The following ABTB2 variants were observed in gnomAD, a reference collection of about 807,000 sequenced individuals.
ABTB2 encodes the protein ankyrin repeat and BTB domain containing 2.
In ABTB2, 56 loss-of-function variants were observed where a neutral mutation model predicts 104.1. That is an observed-to-expected ratio of 0.54 (90% CI 0.43 to 0.67). The LOEUF (loss-of-function observed/expected upper bound fraction) is 0.67. Among genes scored for constraint, ABTB2 ranks in the 30% least tolerant of loss-of-function variants. ABTB2 has a pLI of 0.00. For missense variants in ABTB2, 1,279 were observed against 1,407.7 expected (o/e 0.91, Z 1.46); for synonymous variants, 606 against 608.2 (o/e 1.00, Z 0.05).
chr11:34,198,361 G>A (rs1188618993), intron 2 of ABTB2, among the ~76,000 whole-genome samples: 4 of 152,092 alleles, frequency 2.6e-5, no homozygotes, highest in African/African-American at 9.7e-5. Context: ...GGAGGCGGAG[G>A]TGGCAGTGAG....
intron 1 of ABTB2, among the ~76,000 whole-genome samples, chr11:34,261,877 A>AT (rs942991618): frequency 6.6e-6 from 1 of 152,196 alleles, no homozygotes; most frequent in Admixed American, 6.5e-5. Flanking sequence ...CACCCCCCAA[A>AT]TTAAATCAGA....
intron 8 of ABTB2, 57 bp from the exon 9 acceptor site, chr11:34,164,878 T>A: frequency 6.4e-7 from 1 of 1,557,628 alleles, no homozygotes; most frequent in African/African-American, 1.4e-5. Flanking sequence ...CCAGGGCAGC[T>A]GAGGCGAAAG....
At chr11:34,347,884 C>G (rs143251027) in intron 1 of ABTB2, among the ~76,000 whole-genome samples, 34 of 151,400 alleles carry the variant, frequency 2.2e-4, no homozygotes, top group African/African-American at 8.3e-4. Context: ...GACTTAACAC[C>G]GAAAAAAAAA....
chr11:34,203,492 C>T (rs1036545845), intron 2 of ABTB2, among the ~76,000 whole-genome samples: 5 of 152,160 alleles, frequency 3.3e-5, no homozygotes, highest in Admixed American at 6.5e-5. Flanking sequence ...TTCTCAGGGA[C>T]GGAGATGAAA....
Position 34,162,635 on chromosome 11 carries a change from G to A in ABTB2, c.2159C>T (p.Ala720Val), listed in dbSNP as rs775355518. The A allele has an allele frequency of 1.9e-6, 3 of 1,613,454 alleles. No individual in the cohort carries two copies. The highest frequency in any genetic ancestry group is 1.1e-5 in the South Asian group (1 of 91,076). The change falls in exon 10 of 17, where the codon GCC becomes GTC. Residue 720 changes from alanine to valine, a missense_variant. By Grantham distance (64) the Ala-to-Val change is moderately conservative. Transcript: ENST00000435224. ...SRTRTKALQEAMYYSAEHGYV... is the reference protein window; with the variant it reads ...SRTRTKALQEVMYYSAEHGYV... ...GCCGTGCTCAGCGCTGTAGTACATG[G>A]CCTCCTGTAGGGCCTTGGTGCGGGT...
At chr11:34,159,629 GCTGACTCTT>G (rs1852679285) in intron 13 of ABTB2, among the ~76,000 whole-genome samples, 1 of 152,230 alleles carries the variant, frequency 6.6e-6, no homozygotes, top group Non-Finnish European at 1.5e-5. Context: ...TGGCCAGAAT[GCTGACTCTT>G]CATTCCAGGA....
rs896470158 is a variant in ABTB2, at chr11:34,284,675, G to A, written c.883+72026C>T. Among the ~76,000 whole-genome samples the A allele has an allele frequency of 2.0e-5, 3 of 152,220 alleles. No homozygotes were observed. In the East Asian group the frequency reaches 5.8e-4, roughly 29 times the overall value. ...GGGATGGGTAACTGTAACCAGAGAG[G>A]TGGAGAAAGCGGAGGGCTTAAACAC... On this transcript the variant is annotated intron_variant, in intron 1 of 16. Coordinates refer to ENST00000435224, the MANE Select transcript of ABTB2 (RefSeq NM_145804.3).
intron 1 of ABTB2, among the ~76,000 whole-genome samples, chr11:34,286,580 A>G (rs113419929): frequency 3.3e-5 from 5 of 152,184 alleles, no homozygotes; most frequent in African/African-American, 1.2e-4. Flanking sequence ...GGCATGAGCC[A>G]CCATGCCCGG....
At chr11:34,216,567 A>G (rs547622178) in intron 1 of ABTB2, among the ~76,000 whole-genome samples, 304 of 152,230 alleles carry the variant, frequency 2.0e-3, no homozygotes, top group African/African-American at 6.6e-3. Flanking sequence ...CCTGGCCAAC[A>G]TGGTAAAACC....
intron 3 of ABTB2, among the ~76,000 whole-genome samples, chr11:34,186,104 G>C (rs543702508): frequency 6.6e-6 from 1 of 152,238 alleles, no homozygotes; most frequent in Non-Finnish European, 1.5e-5. Flanking sequence ...TGGGGCCCAC[G>C]GCACCGCTCC....
intron 1 of ABTB2, among the ~76,000 whole-genome samples, chr11:34,322,913 T>C (rs1356761052): frequency 6.6e-6 from 1 of 152,024 alleles, no homozygotes; most frequent in African/African-American, 2.4e-5. Flanking sequence ...CTTGCTTGCT[T>C]ATTTATTTAT....
chr11:34,184,800 C>T (rs573517832), intron 3 of ABTB2, among the ~76,000 whole-genome samples: 1 of 152,390 alleles, frequency 6.6e-6, no homozygotes, highest in South Asian at 2.1e-4. Flanking sequence ...CCACGCCCCA[C>T]CCATGGGGCT....
chr11:34,203,043 G>C (rs1269571349), intron 2 of ABTB2, among the ~76,000 whole-genome samples: 1 of 152,120 alleles, frequency 6.6e-6, no homozygotes, highest in Non-Finnish European at 1.5e-5. Flanking sequence ...GCTGGGCTGG[G>C]GTTGTAATGG....
intron 3 of ABTB2, among the ~76,000 whole-genome samples, chr11:34,196,699 G>C (rs1419530819): frequency 6.6e-6 from 1 of 152,204 alleles, no homozygotes; most frequent in Non-Finnish European, 1.5e-5. Context: ...AAAGTGTTGG[G>C]ACCCTCTAGT....
Position 34,176,279 on chromosome 11 carries a change from CAA to C in ABTB2, c.1245-2974_1245-2973del, listed in dbSNP as rs58009507. On this transcript the variant is annotated intron_variant, in intron 3 of 16. Coordinates refer to ENST00000435224, the MANE Select transcript of ABTB2 (RefSeq NM_145804.3). ...AGGGTGACAGAGTGAGACTCCGTCT[CAA>C]AAAAAAAAAAAAAAAAAAAAAGAGA... 9.9e-3 allele frequency among the ~76,000 whole-genome samples: 743 copies of C among 74,770 alleles called. 2 individuals carry two copies. The highest frequency in any genetic ancestry group is 0.042 in the African/African-American group (704 of 16,648). 49.1% of individuals were successfully genotyped at this position (74,770 alleles called of 152,430 possible).
chr11:34,153,236 G>A (rs954829095), intron 16 of ABTB2, among the ~76,000 whole-genome samples: 1 of 152,224 alleles, frequency 6.6e-6, no homozygotes, highest in Non-Finnish European at 1.5e-5. Flanking sequence ...AGGAAGCATG[G>A]CAGAGTGAGG....
At chr11:34,181,786 G>A (rs1359635906) in intron 3 of ABTB2, among the ~76,000 whole-genome samples, 1 of 152,194 alleles carries the variant, frequency 6.6e-6, no homozygotes, top group Non-Finnish European at 1.5e-5. Flanking sequence ...CCACCTGCAA[G>A]CACCCTGGGA....
chr11:34,180,805 C>T lies in ABTB2; in HGVS notation c.1245-7498G>A, dbSNP rs190620169. Among the ~76,000 whole-genome samples the T allele has an allele frequency of 2.4e-4, 37 of 152,316 alleles. 1 individual carries two copies. In the East Asian group the frequency reaches 6.4e-3, roughly 26 times the overall value. On this transcript the variant is annotated intron_variant, in intron 3 of 16. Transcript: ENST00000435224. Reference sequence around the variant, plus strand: ...AATCATACAGGTGAGCCTGATTGTTCAATCCAAGGGTCTCCTAAGGCCCCT... The same window carrying T: ...AATCATACAGGTGAGCCTGATTGTTTAATCCAAGGGTCTCCTAAGGCCCCT...
At chr11:34,211,040 A>G (rs1016238089) in intron 1 of ABTB2, among the ~76,000 whole-genome samples, 38 of 152,326 alleles carry the variant, frequency 2.5e-4, no homozygotes, top group African/African-American at 8.7e-4. Context: ...TGCCAGAACA[A>G]AGTGTAGAAA....
Sources: gnomAD v4.1 joint callset for allele counts (sites outside exome capture counted in the v4.1 genomes callset) on GRCh38, gnomAD v4.1.1 for gene constraint, MANE v1.5 for transcripts, NCBI Gene and HGNC (gene_info 2026-07-23, HGNC 2026-07-21) for gene names.